Variants in GRAMD4 observed in about 807,000 individuals in gnomAD.
GRAMD4 encodes GRAM domain-containing protein 4.
In GRAMD4, 25 loss-of-function variants were observed where a neutral mutation model predicts 83.9. The ratio of observed to expected loss-of-function variants is 0.30; its 90% confidence interval spans 0.22 to 0.42. The LOEUF is 0.42. GRAMD4 is among the 10% of genes least tolerant of loss of function. The probability of loss-of-function intolerance (pLI) is 1.00; values close to 1 mark genes in which losing one functional copy is unlikely to be tolerated. For missense variants in GRAMD4, 593 were observed against 788.7 expected (o/e 0.75, Z 2.97); for synonymous variants, 336 against 320.9 (o/e 1.05, Z -0.50).
chr22:46,643,152 C>CCTGG (rs2082007148), intron 3 of GRAMD4, among the ~76,000 whole-genome samples: 1 of 77,164 alleles, frequency 1.3e-5, no homozygotes, highest in Non-Finnish European at 2.9e-5. Flanking sequence ...TCCATCCATC[C>CCTGG]ATCCATCCAT....
At chr22:46,636,719 C>T (rs984232170) in intron 2 of GRAMD4, among the ~76,000 whole-genome samples, 1 of 152,214 alleles carries the variant, frequency 6.6e-6, no homozygotes, top group African/African-American at 2.4e-5. Context: ...CAGGATGCAA[C>T]GTGGAGGGCG....
In GRAMD4 at chr22:46,664,137, G is replaced by A. The variant is rs1367388468; in HGVS notation, c.717+20G>A. 2 of 1,554,292 alleles carry A rather than the reference G, an allele frequency of 1.3e-6. No individual in the cohort carries two copies. The highest frequency in any genetic ancestry group is 4.5e-5 in the East Asian group (2 of 44,646). On this transcript the variant is annotated intron_variant, in intron 8 of 18. Transcript: ENST00000406902. ...TTCACCGTGAGTGGGTCCTCCAGGGGCCGAGCAGGGTGGGTGGGATGTGCC... is the reference window on the plus strand; with the variant it reads ...TTCACCGTGAGTGGGTCCTCCAGGGACCGAGCAGGGTGGGTGGGATGTGCC...
intron 1 of GRAMD4, among the ~76,000 whole-genome samples, chr22:46,612,746 G>A (rs1204789728): frequency 6.6e-6 from 1 of 152,282 alleles, no homozygotes; most frequent in Non-Finnish European, 1.5e-5. Flanking sequence ...GATCACGGAT[G>A]GGAGCAGAGG....
At chr22:46,654,119 G>T (rs764471172) in intron 3 of GRAMD4, among the ~76,000 whole-genome samples, 1 of 145,010 alleles carries the variant, frequency 6.9e-6, no homozygotes, top group Non-Finnish European at 1.5e-5. Flanking sequence ...CAGCCACACC[G>T]AAAGAGGGGC....
In GRAMD4 at chr22:46,622,694, A is replaced by C. The variant is rs1334241726; in HGVS notation, c.-50+2129A>C. On this transcript the variant is annotated intron_variant, in intron 1 of 18. Coordinates refer to ENST00000406902, the MANE Select transcript of GRAMD4 (RefSeq NM_015124.5). This position sits in a 1 kb window ranked among gnomAD's most constrained non-coding sequence, Gnocchi z 4.0. ...TTTGGGAGGCCGAGGCGGGTGGATC[A>C]CGAGGTCAGGAGATTGAGACCATCC... Among the ~76,000 whole-genome samples the C allele has an allele frequency of 6.6e-6, 1 of 152,192 alleles. No individual in the cohort carries two copies.
intron 1 of GRAMD4, among the ~76,000 whole-genome samples, chr22:46,603,411 G>A (rs191259082): frequency 0.024 from 3,674 of 150,272 alleles, 68 homozygotes; most frequent in Non-Finnish European, 0.035. Flanking sequence ...CGGTTTCACC[G>A]TGTTAACCAG....
intron 1 of GRAMD4, among the ~76,000 whole-genome samples, chr22:46,605,984 A>C (rs4996796): frequency 0.56 from 18,146 of 32,338 alleles, 5,621 homozygotes; most frequent in East Asian, 0.86. Context: ...GCATGGGCTT[A>C]TGGCTGGTGC....
intron 1 of GRAMD4, chr22:46,588,086 C>T (rs1279199081): frequency 2.8e-6 from 1 of 355,108 alleles, no homozygotes; most frequent in Non-Finnish European, 3.9e-6. Context: ...TGGTGGAGCC[C>T]CATGGAGCCG....
At chr22:46,656,858 G>T (rs976651060) in intron 3 of GRAMD4, among the ~76,000 whole-genome samples, 5 of 152,210 alleles carry the variant, frequency 3.3e-5, no homozygotes, top group African/African-American at 1.2e-4. Context: ...GGTCAGTGTG[G>T]TCTGTGCAGT....
chr22:46,634,168 C>T (rs1411773115), intron 2 of GRAMD4, among the ~76,000 whole-genome samples: 1 of 152,206 alleles, frequency 6.6e-6, no homozygotes, highest in Non-Finnish European at 1.5e-5. Flanking sequence ...GGGAGTGTGG[C>T]AGGTTCCCTC....
chr22:46,600,267 C>T (rs1440125685), intron 1 of GRAMD4, among the ~76,000 whole-genome samples: 2 of 152,132 alleles, frequency 1.3e-5, no homozygotes, highest in African/African-American at 2.4e-5. Context: ...CTCCTAAAGC[C>T]CCATCAGAGA....
At chr22:46,611,891 G>C (rs2081420614) in intron 1 of GRAMD4, among the ~76,000 whole-genome samples, 1 of 151,106 alleles carries the variant, frequency 6.6e-6, no homozygotes, top group African/African-American at 2.4e-5. Context: ...CAGCTACACG[G>C]GAGGCTGAGG....
chr22:46,605,362 A>G (rs538215032), intron 1 of GRAMD4, among the ~76,000 whole-genome samples: 16 of 152,258 alleles, frequency 1.1e-4, no homozygotes, highest in Non-Finnish European at 1.8e-4. Flanking sequence ...GTTCATGAAC[A>G]CTTAGGTTGC....
chr22:46,638,006 G>C, intron 3 of GRAMD4, 46 bp downstream of exon 3: 1 of 1,599,264 alleles, frequency 6.3e-7, no homozygotes, highest in Non-Finnish European at 8.5e-7. Context: ...AGGTGGGTCA[G>C]GGGTGGCTGA....
At chr22:46,614,607 C>G (rs1451550415) in intron 1 of GRAMD4, among the ~76,000 whole-genome samples, 1 of 152,158 alleles carries the variant, frequency 6.6e-6, no homozygotes, top group East Asian at 1.9e-4. Flanking sequence ...AGGGGCCAAC[C>G]GTGGAGACAG....
At chr22:46,674,786 G>A (rs201232533) in intron 16 of GRAMD4, 36 bp downstream of exon 16, 2 of 1,451,656 alleles carry the variant, frequency 1.4e-6, no homozygotes, top group East Asian at 4.5e-5. Flanking sequence ...TGGCTGCAGG[G>A]GAGGGGGCGC....
chr22:46,678,588 G>C lies in GRAMD4; in HGVS notation c.*1337G>C, dbSNP rs1601697410. ...CGTGTCTGCTGGGGCGGATCCCGCA[G>C]CTCCCTCAGCTTGTCCTGAGTCCCT... On this transcript the variant is annotated 3_prime_UTR_variant, in exon 19 of 19. Transcript: ENST00000406902. 1 of 985,408 alleles carries C rather than the reference G, an allele frequency of 1.0e-6. No individual in the cohort carries two copies. Among genetic ancestry groups the C allele is most frequent in the African/African-American group, 1.7e-5 (1 of 57,262 alleles). 61.0% of individuals were successfully genotyped at this position (985,408 alleles called of 1,614,324 possible).
intron 2 of GRAMD4, among the ~76,000 whole-genome samples, chr22:46,627,780 C>T (rs2081691026): frequency 6.6e-6 from 1 of 152,250 alleles, no homozygotes; most frequent in South Asian, 2.1e-4. Context: ...AGGACAGTGA[C>T]TGTGCGTTGC....
At chr22:46,617,112 G>A (rs556268635), upstream of GRAMD4, among the ~76,000 whole-genome samples, 46 of 141,322 alleles carry the variant, frequency 3.3e-4, 1 homozygote, top group African/African-American at 1.2e-3. Flanking sequence ...TCCCCTGTCC[G>A]TGTAGGTTCC....
Sources: gnomAD v4.1 joint callset for allele counts (sites outside exome capture counted in the v4.1 genomes callset) on GRCh38, gnomAD v4.1.1 for gene constraint, Gnocchi (gnomAD v3.1) non-coding constraint, MANE v1.5 for transcripts, NCBI Gene and HGNC (gene_info 2026-07-23, HGNC 2026-07-21) for gene names.